NACC2: variants seen among roughly 807,000 people sequenced by gnomAD.
NACC2 encodes nucleus accumbens-associated protein 2.
In NACC2, 8 loss-of-function variants were observed where a neutral mutation model predicts 25.1. The observed-to-expected ratio is 0.32, with a 90% CI of 0.19 to 0.57. The LOEUF (loss-of-function observed/expected upper bound fraction) is 0.57. Ranked by LOEUF, NACC2 falls within the 20% of genes least tolerant of loss-of-function variation. The pLI, the probability that NACC2 is intolerant of heterozygous loss-of-function variation, is 0.89. For missense variants in NACC2, 644 were observed against 650.2 expected (o/e 0.99, Z 0.10); for synonymous variants, 435 against 294.7 (o/e 1.48, Z -4.88).
At chr9:136,049,612 T>C (rs1840784473) in intron 2 of NACC2, 24 bp downstream of exon 2, 1 of 764,714 alleles carries the variant, frequency 1.3e-6, no homozygotes, top group Non-Finnish European at 2.4e-6. Context: ...CCAGGTGGTG[T>C]GGGGCTCCAC....
chr9:136,083,869 C>T (rs976940535), intron 1 of NACC2, among the ~76,000 whole-genome samples: 3 of 152,218 alleles, frequency 2.0e-5, no homozygotes, highest in Non-Finnish European at 4.4e-5. Context: ...CAGATCTTCT[C>T]AGACAGACGA....
intron 2 of NACC2, among the ~76,000 whole-genome samples, chr9:136,021,364 C>T (rs909193254): frequency 9.2e-5 from 14 of 152,192 alleles, no homozygotes; most frequent in Admixed American, 7.2e-4. Flanking sequence ...AAAACACCGA[C>T]GCCAAGTGCC....
intron 1 of NACC2, 140 bp downstream of exon 1, chr9:136,095,049 C>T (rs2131197029): frequency 6.8e-6 from 1 of 146,206 alleles, no homozygotes; most frequent in Non-Finnish European, 1.5e-5. Flanking sequence ...GCACCCGCCC[C>T]GCGCGGCCGG....
chr9:136,057,285 C>T (rs1031993892), intron 1 of NACC2, among the ~76,000 whole-genome samples: 2 of 152,198 alleles, frequency 1.3e-5, no homozygotes, highest in African/African-American at 2.4e-5. Context: ...GCAGAATATT[C>T]TTTCTTATGG....
intron 1 of NACC2, among the ~76,000 whole-genome samples, chr9:136,088,431 C>T (rs11103323): frequency 0.61 from 93,327 of 152,016 alleles, 29,794 homozygotes; most frequent in Non-Finnish European, 0.72. Flanking sequence ...TCTTTCCCAG[C>T]AGCTGCCCCT....
intron 2 of NACC2, among the ~76,000 whole-genome samples, chr9:136,043,470 G>A (rs1034731842): frequency 1.3e-5 from 2 of 152,260 alleles, no homozygotes; most frequent in African/African-American, 2.4e-5. Context: ...CCCGGCTGCC[G>A]TAAGGCCGTG....
chr9:136,040,729 G>A (rs1036803799), intron 2 of NACC2, among the ~76,000 whole-genome samples: 1 of 152,162 alleles, frequency 6.6e-6, no homozygotes, highest in Non-Finnish European at 1.5e-5. Context: ...GGAAGCCAAG[G>A]CAGGTAGATG....
chr9:136,092,155 C>T (rs991663923), intron 1 of NACC2, among the ~76,000 whole-genome samples: 3 of 152,228 alleles, frequency 2.0e-5, no homozygotes, highest in Non-Finnish European at 4.4e-5. Flanking sequence ...ACCCAAGGCC[C>T]GACTGCCCAC....
intron 2 of NACC2, among the ~76,000 whole-genome samples, chr9:136,048,948 C>T (rs1326700885): frequency 6.6e-6 from 1 of 152,254 alleles, no homozygotes; most frequent in Non-Finnish European, 1.5e-5. Flanking sequence ...GCATGCAGAC[C>T]AGCCAGGTGG....
At position 136,081,201 on chromosome 9, in the gene NACC2, G is replaced by A. The variant is rs769073034; in HGVS notation, c.-60+13988C>T. Among the ~76,000 whole-genome samples, 133 of 152,316 alleles carry A rather than the reference G, an allele frequency of 8.7e-4. No homozygotes were observed. The Middle Eastern group carries it at 0.01, about 12-fold the overall frequency. Reference sequence around the variant, plus strand: ...GGACTCTCCAGCCACCCAGGCCGCTGGAAACCCAGGGGAAGGAACCAGGTG... The same window carrying A: ...GGACTCTCCAGCCACCCAGGCCGCTAGAAACCCAGGGGAAGGAACCAGGTG... On this transcript the variant is annotated intron_variant, in intron 1 of 5. Coordinates refer to ENST00000277554, the MANE Select transcript of NACC2 (RefSeq NM_144653.5).
At chr9:136,080,623 C>A (rs993861615) in intron 1 of NACC2, among the ~76,000 whole-genome samples, 3 of 152,114 alleles carry the variant, frequency 2.0e-5, no homozygotes, top group Admixed American at 1.3e-4. Context: ...GCACACCATC[C>A]CCCACCCCAC....
At chr9:136,058,146 C>T (rs1588574925) in intron 1 of NACC2, among the ~76,000 whole-genome samples, 1 of 152,244 alleles carries the variant, frequency 6.6e-6, no homozygotes, top group Admixed American at 6.5e-5. Context: ...CGCCTCTAGG[C>T]CCTGGCTGGC....
intron 2 of NACC2, among the ~76,000 whole-genome samples, chr9:136,037,776 T>C (rs2131152134): frequency 6.6e-6 from 1 of 152,222 alleles, no homozygotes; most frequent in Non-Finnish European, 1.5e-5. Flanking sequence ...CCCAAAGTGC[T>C]AGGATTACAG....
At chr9:136,062,562 T>C (rs1841027615) in intron 1 of NACC2, among the ~76,000 whole-genome samples, 1 of 152,208 alleles carries the variant, frequency 6.6e-6, no homozygotes, top group Non-Finnish European at 1.5e-5. Flanking sequence ...CCTTCATCGA[T>C]GAGTTAAATA....
intron 2 of NACC2, among the ~76,000 whole-genome samples, chr9:136,033,928 T>C (rs1840513072): frequency 6.6e-6 from 1 of 151,168 alleles, no homozygotes; most frequent in Admixed American, 6.6e-5. Context: ...TGTGTGTGTG[T>C]GTGTGTGTGT....
chr9:136,057,345 C>G (rs1840940188), intron 1 of NACC2, among the ~76,000 whole-genome samples: 1 of 152,120 alleles, frequency 6.6e-6, no homozygotes, highest in Admixed American at 6.5e-5. Context: ...AGGGATGGCT[C>G]AGAGGAAGAG....
Position 136,020,058 on chromosome 9 carries a change from G to C in NACC2, c.887-3629C>G, listed in dbSNP as rs554145554. 8.5e-5 allele frequency among the ~76,000 whole-genome samples: 13 copies of C among 152,294 alleles called. No homozygotes were observed. Among genetic ancestry groups the C allele is most frequent in the African/African-American group, 3.1e-4 (13 of 41,556 alleles). On this transcript the variant is annotated intron_variant, in intron 2 of 5. Transcript: ENST00000277554. This position sits in a 1 kb window ranked among gnomAD's most constrained non-coding sequence, Gnocchi z 4.7. The stretch of plus-strand genomic sequence containing the variant: ...GAGGTTCATCTGGGGAAGATGGGAA[G>C]TTCTGGAGCCGATGGCAGTGATGCT...
Position 136,064,215 on chromosome 9 carries a change from G to A in NACC2, c.-59-13635C>T, listed in dbSNP as rs574567063. On this transcript the variant is annotated intron_variant, in intron 1 of 5. Coordinates refer to ENST00000277554, the MANE Select transcript of NACC2 (RefSeq NM_144653.5). ...GAGGGGGGAGAATCACTTGAGCCCA[G>A]GCGATCGAGGCTGCAGTGAACTATG... Among the ~76,000 whole-genome samples the A allele has an allele frequency of 2.6e-5, 4 of 152,302 alleles. No individual in the cohort carries two copies. The South Asian group carries it at 8.3e-4, about 32-fold the overall frequency.
chr9:136,036,035 A>T (rs1054575753), intron 2 of NACC2, among the ~76,000 whole-genome samples: 2 of 152,224 alleles, frequency 1.3e-5, no homozygotes, highest in Non-Finnish European at 2.9e-5. Flanking sequence ...ACTTCACTAT[A>T]AAAAATTATA....
Sources: gnomAD v4.1 joint callset for allele counts (sites outside exome capture counted in the v4.1 genomes callset) on GRCh38, gnomAD v4.1.1 for gene constraint, Gnocchi (gnomAD v3.1) non-coding constraint, MANE v1.5 for transcripts, NCBI Gene and HGNC (gene_info 2026-07-23, HGNC 2026-07-21) for gene names.